Variants in EPHB1 observed in about 807,000 individuals in gnomAD.
EPHB1 encodes the protein EPH receptor B1, also known as ephrin type-B receptor 1.
EPHB1 carries 30 observed loss-of-function variants against 94.4 expected under a neutral mutation model. The ratio of observed to expected loss-of-function variants is 0.32; its 90% CI spans 0.24 to 0.43. The LOEUF (loss-of-function observed/expected upper bound fraction) is 0.43. EPHB1 is among the 20% of genes least tolerant of loss of function. The pLI is 1.00. For missense variants in EPHB1, 1,055 were observed against 1,308.3 expected, an observed-to-expected ratio of 0.81 and a Z score of 2.99; for synonymous variants, 522 against 489.1, an observed-to-expected ratio of 1.07 and a Z score of -0.89.
intron 1 of EPHB1, among the ~76,000 whole-genome samples, chr3:134,868,794 T>C (rs1285581970): frequency 1.3e-5 from 2 of 152,230 alleles, no homozygotes; most frequent in African/African-American, 4.8e-5. Flanking sequence ...ACTTGTGGCT[T>C]ATGCAATAAT....
chr3:135,055,995 C>G (rs1254274918), intron 3 of EPHB1, among the ~76,000 whole-genome samples: 1 of 152,210 alleles, frequency 6.6e-6, no homozygotes, highest in Non-Finnish European at 1.5e-5. Context: ...ACCCTCTGTT[C>G]TGGCCCAGAA....
At chr3:134,910,190 G>GT (rs1486017502) in intron 1 of EPHB1, among the ~76,000 whole-genome samples, 2 of 152,186 alleles carry the variant, frequency 1.3e-5, no homozygotes, top group Non-Finnish European at 2.9e-5. Context: ...AGCTTTTTGA[G>GT]TGTGACTGCT....
chr3:135,058,853 C>A (rs574098235), intron 3 of EPHB1, among the ~76,000 whole-genome samples: 1 of 152,176 alleles, frequency 6.6e-6, no homozygotes, highest in African/African-American at 2.4e-5. Context: ...CCAACATTTT[C>A]TTATTACGGT....
intron 3 of EPHB1, among the ~76,000 whole-genome samples, chr3:134,970,097 A>G (rs1000170976): frequency 6.6e-6 from 1 of 152,232 alleles, no homozygotes; most frequent in African/African-American, 2.4e-5. Context: ...CACAAAGCAA[A>G]CATTTTAAAG....
intron 3 of EPHB1, among the ~76,000 whole-genome samples, chr3:135,050,793 C>T (rs528751597): frequency 6.6e-6 from 1 of 152,240 alleles, no homozygotes; most frequent in South Asian, 2.1e-4. Flanking sequence ...ATATGACACG[C>T]CTCCTCCCCT....
chr3:135,086,985 G>C, intron 3 of EPHB1, among the ~76,000 whole-genome samples: 1 of 152,168 alleles, frequency 6.6e-6, no homozygotes, highest in East Asian at 1.9e-4. Flanking sequence ...TCTGAATTGA[G>C]AATCTGAGTT....
intron 3 of EPHB1, among the ~76,000 whole-genome samples, chr3:135,070,743 A>G (rs547361828): frequency 6.6e-6 from 1 of 152,316 alleles, no homozygotes; most frequent in South Asian, 2.1e-4. Flanking sequence ...CATTCTATTT[A>G]ACTTCTAGGT....
chr3:135,030,995 G>A (rs992028333), intron 3 of EPHB1, among the ~76,000 whole-genome samples: 2 of 152,120 alleles, frequency 1.3e-5, no homozygotes, highest in Admixed American at 6.5e-5. Flanking sequence ...TCCAGGTGCC[G>A]TCCATCACCC....
chr3:135,125,697 T>TG (rs1940167845), intron 4 of EPHB1, among the ~76,000 whole-genome samples: 1 of 392 alleles, frequency 2.6e-3, no homozygotes, highest in Non-Finnish European at 0.016. Flanking sequence ...TATTTGATAA[T>TG]GGTCTACATC....
intron 9 of EPHB1, among the ~76,000 whole-genome samples, chr3:135,173,167 T>TG (rs1354095929): frequency 6.6e-6 from 1 of 150,514 alleles, no homozygotes; most frequent in East Asian, 2.0e-4. Flanking sequence ...CCCAAGTAGC[T>TG]GGGACTACAG....
intron 5 of EPHB1, among the ~76,000 whole-genome samples, chr3:135,138,234 A>C (rs6762543): frequency 0.43 from 65,127 of 152,192 alleles, 15,156 homozygotes; most frequent in East Asian, 0.82. Flanking sequence ...TTCTTTTAAA[A>C]ATGCTGCACT....
chr3:134,937,449 C>CTT (rs2039025468), intron 2 of EPHB1, among the ~76,000 whole-genome samples: 3 of 152,198 alleles, frequency 2.0e-5, no homozygotes, highest in Non-Finnish European at 4.4e-5. Flanking sequence ...GAGGCCCCAC[C>CTT]CCTTCCTTCT....
In EPHB1 at chr3:134,938,781, T is replaced by C. The variant is rs1012478703; in HGVS notation, c.124-12590T>C. On this transcript the variant is annotated intron_variant, in intron 2 of 15. Coordinates refer to ENST00000398015, the MANE Select transcript of EPHB1 (RefSeq NM_004441.5). ...CTTAAGTCATGTTTAATCCTCACAATTGCCTCACGAGATAGGTACTATTAG... is the reference window on the plus strand; with the variant it reads ...CTTAAGTCATGTTTAATCCTCACAACTGCCTCACGAGATAGGTACTATTAG... Among the ~76,000 whole-genome samples the C allele has an allele frequency of 2.0e-5, 3 of 152,128 alleles. No individual in the cohort carries two copies. The South Asian group carries it at 6.2e-4, about 32-fold the overall frequency.
intron 3 of EPHB1, among the ~76,000 whole-genome samples, chr3:135,053,951 C>A (rs540587749): frequency 6.6e-6 from 1 of 151,926 alleles, no homozygotes; most frequent in African/African-American, 2.4e-5. Context: ...ATGATTGCTT[C>A]ACTGCACTCT....
intron 1 of EPHB1, among the ~76,000 whole-genome samples, chr3:134,821,947 G>A (rs1424291202): frequency 6.6e-6 from 1 of 152,172 alleles, no homozygotes; most frequent in African/African-American, 2.4e-5. Flanking sequence ...CAGCAGAGTG[G>A]CCCTTCCTGG....
chr3:135,153,816 C>A (rs1173362554), intron 5 of EPHB1, among the ~76,000 whole-genome samples: 1 of 152,204 alleles, frequency 6.6e-6, no homozygotes, highest in Non-Finnish European at 1.5e-5. Context: ...AAAAACATTA[C>A]AGTGTTCCTC....
rs75707721 is a variant in EPHB1, at chr3:134,926,119, A to C, written c.123+239A>C. On this transcript the variant is annotated intron_variant, in intron 2 of 15. Coordinates refer to ENST00000398015, the MANE Select transcript of EPHB1 (RefSeq NM_004441.5). ...GTCCTTTCTGAAAGCTGACACCTAG[A>C]CAACTAGGGCCATCGCTGTGTGGGG... Among the ~76,000 whole-genome samples, 1,410 of 152,258 alleles carry C rather than the reference A, an allele frequency of 9.3e-3. 30 individuals are homozygous for C. The highest frequency in any genetic ancestry group is 0.032 in the African/African-American group (1,326 of 41,542).
At chr3:135,058,544 C>G (rs1374109820) in intron 3 of EPHB1, among the ~76,000 whole-genome samples, 1 of 152,236 alleles carries the variant, frequency 6.6e-6, no homozygotes, top group Non-Finnish European at 1.5e-5. Context: ...ACATAAACCT[C>G]TTGGGTACAC....
chr3:135,043,674 C>T (rs754675101), intron 3 of EPHB1, among the ~76,000 whole-genome samples: 1 of 152,200 alleles, frequency 6.6e-6, no homozygotes, highest in East Asian at 1.9e-4. Context: ...ACATAAGGTC[C>T]GGCTCCATCC....
Sources: allele counts gnomAD v4.1 joint callset (sites outside exome capture counted in the v4.1 genomes callset), GRCh38; gene constraint gnomAD v4.1.1; transcripts MANE v1.5; gene names NCBI Gene and HGNC (gene_info 2026-07-23, HGNC 2026-07-21).